The following KLF12 variants were observed in gnomAD, a reference collection of about 807,000 sequenced individuals.
KLF12 encodes the protein KLF transcription factor 12, also known as Krueppel-like factor 12.
In KLF12, 9 loss-of-function variants were observed where a neutral mutation model predicts 37.8. The ratio of observed to expected loss-of-function variants is 0.24; its 90% CI spans 0.14 to 0.42. The LOEUF (loss-of-function observed/expected upper bound fraction) is 0.42. Ranked by LOEUF, KLF12 falls within the 10% of genes least tolerant of loss-of-function variation. KLF12 has a pLI of 1.00. For missense variants in KLF12, 411 were observed against 516.0 expected (o/e 0.80, Z 1.97); for synonymous variants, 208 against 202.1 (o/e 1.03, Z -0.25).
chr13:73,864,291 A>G (rs1388915850), intron 3 of KLF12, among the ~76,000 whole-genome samples: 1 of 152,142 alleles, frequency 6.6e-6, no homozygotes, highest in Non-Finnish European at 1.5e-5. Flanking sequence ...TCAATTAGGA[A>G]TTAATTTCTC....
At chr13:74,125,427 C>A (rs1392318899) in intron 1 of KLF12, among the ~76,000 whole-genome samples, 1 of 152,038 alleles carries the variant, frequency 6.6e-6, no homozygotes, top group African/African-American at 2.4e-5. Flanking sequence ...AGCTCACTAA[C>A]GATACTGGAT....
At chr13:73,936,442 G>C (rs1889928910) in intron 3 of KLF12, among the ~76,000 whole-genome samples, 1 of 152,100 alleles carries the variant, frequency 6.6e-6, no homozygotes, top group South Asian at 2.1e-4. Context: ...TGAGCTCCAA[G>C]AATTGTTCAA....
At chr13:73,717,751 C>T (rs1247289157) in intron 6 of KLF12, among the ~76,000 whole-genome samples, 5 of 152,146 alleles carry the variant, frequency 3.3e-5, no homozygotes, top group South Asian at 2.1e-4. Flanking sequence ...TTGCAGGGAT[C>T]GGAGTCTATC....
At chr13:73,712,910 T>C (rs1328962770) in intron 7 of KLF12, among the ~76,000 whole-genome samples, 1 of 152,250 alleles carries the variant, frequency 6.6e-6, no homozygotes, top group African/African-American at 2.4e-5. Context: ...AACTTTTAAA[T>C]GTAATAGGGA....
intron 3 of KLF12, among the ~76,000 whole-genome samples, chr13:73,877,733 G>T (rs1016070022): frequency 6.6e-6 from 1 of 152,096 alleles, no homozygotes; most frequent in Admixed American, 6.5e-5. Flanking sequence ...TTAACTATTG[G>T]CTTTGTAAAA....
chr13:74,251,310 AT>A, the KLF12 span, among the ~76,000 whole-genome samples: 16 of 149,440 alleles, frequency 1.1e-4, no homozygotes, highest in South Asian at 2.1e-4. Flanking sequence ...CATCCTGCTA[AT>A]TTTTTTTTTC....
intron 3 of KLF12, among the ~76,000 whole-genome samples, chr13:73,929,924 G>T (rs1387596003): frequency 6.6e-6 from 1 of 152,128 alleles, no homozygotes; most frequent in Non-Finnish European, 1.5e-5. Flanking sequence ...ATCTTGGGAG[G>T]ACTGGAATCA....
At chr13:73,834,682 T>C (rs1188898929) in intron 4 of KLF12, among the ~76,000 whole-genome samples, 1 of 152,226 alleles carries the variant, frequency 6.6e-6, no homozygotes, top group East Asian at 1.9e-4. Context: ...CGGCTAATTT[T>C]TGTATTCTTC....
At chr13:74,242,818 A>C in the KLF12 span, among the ~76,000 whole-genome samples, 2 of 152,164 alleles carry the variant, frequency 1.3e-5, no homozygotes, top group Non-Finnish European at 2.9e-5. Context: ...GCAGAGACAT[A>C]TTACAGCAAG....
chr13:74,257,168 C>T, the KLF12 span: 1 of 152,278 alleles, frequency 6.6e-6, no homozygotes, highest in Non-Finnish European at 1.5e-5. Flanking sequence ...TTGGCTGTTC[C>T]TGGAAACTCT....
At chr13:73,812,947 A>G (rs1883021024) in intron 5 of KLF12, 1 of 550,844 alleles carries the variant, frequency 1.8e-6, no homozygotes, top group African/African-American at 1.9e-5. Context: ...CTTATATCTC[A>G]TCAAAGCATG....
chr13:74,152,767 C>A, the KLF12 span, among the ~76,000 whole-genome samples: 1 of 151,160 alleles, frequency 6.6e-6, no homozygotes, highest in Non-Finnish European at 1.5e-5. Context: ...GTCAGTAGTC[C>A]CAGCTACTTA....
chr13:74,030,148 T>C (rs2138477702), intron 1 of KLF12, among the ~76,000 whole-genome samples: 1 of 152,220 alleles, frequency 6.6e-6, no homozygotes, highest in Non-Finnish European at 1.5e-5. Flanking sequence ...ACCTCCAGGC[T>C]AAAATAAAAG....
chr13:73,782,609 A>C (rs1469799252), intron 5 of KLF12, among the ~76,000 whole-genome samples: 1 of 152,232 alleles, frequency 6.6e-6, no homozygotes, highest in East Asian at 1.9e-4. Context: ...TTCAATCACT[A>C]TAGCTGTAGT....
chr13:74,176,765 C>T, the KLF12 span, among the ~76,000 whole-genome samples: 3 of 152,138 alleles, frequency 2.0e-5, no homozygotes, highest in South Asian at 2.1e-4. Context: ...TTATTTATAC[C>T]GTCAACTTTC....
intron 1 of KLF12, 24 bp from the exon 2 acceptor site, chr13:73,995,077 A>G: frequency 2.0e-6 from 3 of 1,515,520 alleles, no homozygotes; most frequent in Non-Finnish European, 1.8e-6. Context: ...ACAAAGACAA[A>G]TGATGAGAGA....
At chr13:74,304,728 A>G in the KLF12 span, among the ~76,000 whole-genome samples, 2 of 152,056 alleles carry the variant, frequency 1.3e-5, no homozygotes, top group African/African-American at 4.8e-5. Flanking sequence ...ATGAAAGAAG[A>G]TGTAGGAGAA....
chr13:73,780,198 T>G (rs1376149817), intron 5 of KLF12, among the ~76,000 whole-genome samples: 3 of 152,240 alleles, frequency 2.0e-5, no homozygotes, highest in Non-Finnish European at 4.4e-5. Flanking sequence ...AGCAACTCTT[T>G]TAAAAAATGT....
rs552766044 is a variant in KLF12, at chr13:73,765,867, T to C, written c.807-867A>G. Among the ~76,000 whole-genome samples the C allele has an allele frequency of 2.0e-5, 3 of 152,286 alleles. No homozygotes were observed. The East Asian group carries it at 5.8e-4, about 29-fold the overall frequency. ...ACCTTCACCCTTTATGCTTCATACA[T>C]TGCTCTTATTTACAAGAAAAAAAAT... On this transcript the variant is annotated intron_variant, in intron 5 of 7. Transcript: ENST00000377669.
Sources: allele counts gnomAD v4.1 joint callset (sites outside exome capture counted in the v4.1 genomes callset), GRCh38; gene constraint gnomAD v4.1.1; transcripts MANE v1.5; gene names NCBI Gene and HGNC (gene_info 2026-07-23, HGNC 2026-07-21).